Variants in MTRF1 observed in about 807,000 individuals in gnomAD.
MTRF1 encodes the protein peptide chain release factor 1, mitochondrial.
In MTRF1, 51 loss-of-function variants were observed where a neutral mutation model predicts 62.9. That is an observed-to-expected ratio of 0.81 (90% CI 0.65 to 1.02). The LOEUF is 1.02. MTRF1 is among the 50% of genes least tolerant of loss of function. The probability of loss-of-function intolerance (pLI) is 0.00; values close to 1 mark genes in which losing one functional copy is unlikely to be tolerated. For synonymous variants in MTRF1, 158 were observed against 181.9 expected (o/e 0.87, Z 1.06); for missense variants, 446 against 530.0 (o/e 0.84, Z 1.56).
In MTRF1 at chr13:41,260,858, C is replaced by T; in HGVS notation, c.50G>A (p.Gly17Asp). 1.2e-6 allele frequency: 2 copies of T among 1,612,164 alleles called. No homozygotes were observed. Among genetic ancestry groups the T allele is most frequent in the African/African-American group, 2.7e-5 (2 of 74,992 alleles). ...GAGCTGGATGTGACACTGGAGGTAA[C>T]CATTAAGAGATGGATGTCTAAAAAG... ...VWLFRHPSLN[G>D]YLQCHIQLHS... Residue 17 changes from glycine (G) to aspartate (D), a missense_variant, in exon 2 of 10, where the codon GGT becomes GAT. By Grantham distance (94) the Gly-to-Asp change is moderately conservative. Transcript: ENST00000379480.
the MTRF1 span, among the ~76,000 whole-genome samples, chr13:41,270,375 G>C: frequency 2.0e-5 from 3 of 151,902 alleles, no homozygotes; most frequent in Non-Finnish European, 4.4e-5. Context: ...ATTTTCTTCA[G>C]TTAATTAATT....
At chr13:41,261,883 T>C in intron 1 of MTRF1, 3 of 558,780 alleles carry the variant, frequency 5.4e-6, no homozygotes, top group Non-Finnish European at 6.8e-6. Context: ...GGTGAAAAGC[T>C]CTACAGTTAT....
chr13:41,248,835 T>C (rs2038636864), intron 5 of MTRF1, among the ~76,000 whole-genome samples: 1 of 152,218 alleles, frequency 6.6e-6, no homozygotes, highest in African/African-American at 2.4e-5. Context: ...GTGGAAAATA[T>C]TTCAATTCAT....
At chr13:41,277,984 T>C in the MTRF1 span, among the ~76,000 whole-genome samples, 17 of 152,340 alleles carry the variant, frequency 1.1e-4, no homozygotes, top group Admixed American at 2.6e-4. Context: ...ACAAATCTCT[T>C]ACGTCAAAGG....
At chr13:41,289,134 A>G in the MTRF1 span, among the ~76,000 whole-genome samples, 2 of 152,108 alleles carry the variant, frequency 1.3e-5, no homozygotes, top group Non-Finnish European at 2.9e-5. Flanking sequence ...CAAAAATTTA[A>G]AAAAAAATAA....
At chr13:41,273,308 AGAGC>A in the MTRF1 span, among the ~76,000 whole-genome samples, 1 of 150,074 alleles carries the variant, frequency 6.7e-6, no homozygotes, top group African/African-American at 2.5e-5. Context: ...CCTGGGCTAC[AGAGC>A]GAGACTCCGT....
chr13:41,307,298 TAGTG>T, the MTRF1 span, among the ~76,000 whole-genome samples: 5 of 152,174 alleles, frequency 3.3e-5, no homozygotes, highest in Non-Finnish European at 4.4e-5. Flanking sequence ...GTTCTCATGA[TAGTG>T]AGTGAGTTCT....
chr13:41,226,629 AG>A, intron 7 of MTRF1, 61 bp from the exon 8 acceptor site: 1 of 1,571,984 alleles, frequency 6.4e-7, no homozygotes, highest in Non-Finnish European at 8.7e-7. Context: ...GATAGAACCA[AG>A]GAACAGTTAA....
upstream of MTRF1, among the ~76,000 whole-genome samples, chr13:41,263,803 T>TGGGA (rs374421290): frequency 2.3e-3 from 68 of 29,064 alleles, no homozygotes; most frequent in African/African-American, 6.0e-3. Flanking sequence ...ATGGAGATGG[T>TGGGA]GGGAGGGAGG....
At chr13:41,287,713 C>G in the MTRF1 span, 1 of 167,510 alleles carries the variant, frequency 6.0e-6, no homozygotes, top group Admixed American at 6.5e-5. Flanking sequence ...TTTTAAAGGG[C>G]AGGGCTAAGA....
At chr13:41,268,017 C>G (rs573278871), upstream of MTRF1, among the ~76,000 whole-genome samples, 1 of 152,270 alleles carries the variant, frequency 6.6e-6, no homozygotes, top group South Asian at 2.1e-4. Flanking sequence ...TTGGCATCAG[C>G]TATTCCACTG....
upstream of MTRF1, among the ~76,000 whole-genome samples, chr13:41,267,819 T>C (rs1431512553): frequency 1.3e-5 from 2 of 152,008 alleles, no homozygotes; most frequent in Non-Finnish European, 2.9e-5. Context: ...TGAGCTGTGA[T>C]TCACCACTGC....
At chr13:41,269,698 C>G in the MTRF1 span, among the ~76,000 whole-genome samples, 1 of 151,754 alleles carries the variant, frequency 6.6e-6, no homozygotes, top group Non-Finnish European at 1.5e-5. Context: ...CTACATTTAT[C>G]CCATTACATT....
chr13:41,249,498 G>C (rs1267969257), intron 5 of MTRF1, among the ~76,000 whole-genome samples: 1 of 151,422 alleles, frequency 6.6e-6, no homozygotes, highest in South Asian at 2.1e-4. Flanking sequence ...CTGATATCAC[G>C]CCACTGCACT....
At chr13:41,236,087 TA>T (rs2036508142) in intron 6 of MTRF1, 1 of 145,892 alleles carries the variant, frequency 6.9e-6, no homozygotes, top group Non-Finnish European at 1.5e-5. Flanking sequence ...AGTTAACAAA[TA>T]TTTTTGTTTT....
intron 3 of MTRF1, 91 bp from the exon 4 acceptor site, chr13:41,253,121 A>G: frequency 1.0e-6 from 1 of 964,404 alleles, no homozygotes. Context: ...AAAAAAATCA[A>G]TAATTGGCAA....
At chr13:41,300,328 A>T in the MTRF1 span, among the ~76,000 whole-genome samples, 39 of 152,234 alleles carry the variant, frequency 2.6e-4, no homozygotes, top group East Asian at 7.7e-4. Flanking sequence ...GGCTCACGCT[A>T]GTAATCCCAG....
chr13:41,262,467 G>T (rs531416737), intron 1 of MTRF1: 307 of 151,818 alleles, frequency 2.0e-3, no homozygotes, highest in African/African-American at 7.0e-3. Flanking sequence ...TGCACATGTA[G>T]CATGGAATAC....
At chr13:41,244,890 A>T (rs2038039106) in intron 5 of MTRF1, among the ~76,000 whole-genome samples, 1 of 152,214 alleles carries the variant, frequency 6.6e-6, no homozygotes, top group South Asian at 2.1e-4. Flanking sequence ...ATAAATTGTG[A>T]GATAAAAAAT....
Sources: allele counts gnomAD v4.1 joint callset (sites outside exome capture counted in the v4.1 genomes callset), GRCh38; gene constraint gnomAD v4.1.1; transcripts MANE v1.5; gene names NCBI Gene and HGNC (gene_info 2026-07-23, HGNC 2026-07-21).